WRN: variants seen among roughly 807,000 people sequenced by gnomAD.
The protein encoded by WRN is WRN RecQ like helicase.
WRN carries 149 observed loss-of-function variants against 180.7 expected under a neutral mutation model. That is an observed-to-expected ratio of 0.82 (90% CI 0.72 to 0.94). The LOEUF is 0.94. WRN is among the 40% of genes least tolerant of loss of function. The probability of loss-of-function intolerance (pLI) is 0.00; values close to 1 mark genes in which losing one functional copy is unlikely to be tolerated. For synonymous variants in WRN, 548 were observed against 568.9 expected (o/e 0.96, Z 0.52); for missense variants, 1,661 against 1,700.1 (o/e 0.98, Z 0.40).
intron 21 of WRN, among the ~76,000 whole-genome samples, chr8:31,123,932 A>G (rs770575842): frequency 6.6e-6 from 1 of 152,106 alleles, no homozygotes; most frequent in Non-Finnish European, 1.5e-5. Context: ...TGATATGGCA[A>G]ACAAATCAGT....
intron 1 of WRN, among the ~76,000 whole-genome samples, chr8:31,039,760 G>C (rs548861518): frequency 5.3e-4 from 81 of 152,156 alleles, no homozygotes; most frequent in African/African-American, 1.8e-3. Flanking sequence ...ATCATGAAAG[G>C]GTGTTGGATT....
intron 17 of WRN, among the ~76,000 whole-genome samples, chr8:31,099,744 A>T (rs1292389295): frequency 6.6e-6 from 1 of 152,114 alleles, no homozygotes; most frequent in African/African-American, 2.4e-5. Context: ...TTTGGATAAT[A>T]ATAGATATTT....
chr8:31,119,198 C>T (rs1801628071), intron 20 of WRN, among the ~76,000 whole-genome samples: 1 of 151,436 alleles, frequency 6.6e-6, no homozygotes, highest in East Asian at 1.9e-4. Context: ...TCCTTCTTTT[C>T]TCTTCCTTTC....
Position 31,081,157 on chromosome 8 carries a change from G to C in WRN, c.1130G>C (p.Gly377Ala). The C allele has an allele frequency of 6.2e-7, 1 of 1,614,010 alleles. No homozygotes were observed. The highest frequency in any genetic ancestry group is 8.5e-7 in the Non-Finnish European group (1 of 1,179,966). Residue 377 changes from glycine (G) to alanine (A), a missense_variant, in exon 9 of 35, where the codon GGA (glycine) becomes GCA (alanine). Physicochemically the swap from Gly to Ala is moderately conservative, Grantham distance 60. This residue lies in a region of WRN where 500 missense variants were observed against 504.1 expected (regional missense o/e 0.99). Coordinates refer to ENST00000298139, the MANE Select transcript of WRN (RefSeq NM_000553.6). ...VERKEDGFEDGVEDNKLKENM... is the reference protein window; with the variant it reads ...VERKEDGFEDAVEDNKLKENM... Reference sequence around the variant, plus strand: ...CGAAAAGAAGATGGATTTGAAGATGGAGTAGAAGACAACAAATTGAAAGAG... The same window carrying C: ...CGAAAAGAAGATGGATTTGAAGATGCAGTAGAAGACAACAAATTGAAAGAG...
At chr8:31,160,401 T>C (rs544621913) in intron 33 of WRN, among the ~76,000 whole-genome samples, 1 of 152,348 alleles carries the variant, frequency 6.6e-6, no homozygotes, top group South Asian at 2.1e-4. Context: ...AGGCATCTTA[T>C]GAGAAAGCTG....
chr8:31,066,978 G>T, intron 5 of WRN, 55 bp from the exon 6 acceptor site: 1 of 1,597,376 alleles, frequency 6.3e-7, no homozygotes, highest in Non-Finnish European at 8.6e-7. Context: ...ATATCATTTG[G>T]TAATACCTGA....
chr8:31,063,303 T>C (rs975611098), intron 3 of WRN, among the ~76,000 whole-genome samples: 1 of 152,252 alleles, frequency 6.6e-6, no homozygotes, highest in African/African-American at 2.4e-5. Flanking sequence ...ATCTGTGTAG[T>C]TCCATTTTAA....
At position 31,067,048 on chromosome 8, in the gene WRN, A is replaced by T. The variant is rs1585411657; in HGVS notation, c.520A>T (p.Thr174Ser). 6.2e-7 allele frequency: 1 copy of T among 1,613,876 alleles called. No individual in the cohort carries two copies. The highest frequency in any genetic ancestry group is 8.5e-7 in the Non-Finnish European group (1 of 1,179,940). Reference protein sequence around the residue: ...VANKKLKCTETWSLNSLVKHL... With the variant: ...VANKKLKCTESWSLNSLVKHL... ...TCATTTCTAGCTGAAATGCACAGAG[A>T]CCTGGAGCCTTAACAGTCTGGTTAA... The change falls in exon 6 of 35, where the codon ACC (threonine) becomes TCC (serine). Residue 174 changes from threonine to serine, a missense_variant. By Grantham distance (58) the Thr-to-Ser change is moderately conservative. Around this residue, in one of 3 missense-constraint regions of WRN, gnomAD observed 500 missense variants for 504.1 expected, o/e 0.99. Transcript: ENST00000298139.
chr8:31,109,220 G>T (rs956352683), intron 18 of WRN, among the ~76,000 whole-genome samples: 1 of 152,210 alleles, frequency 6.6e-6, no homozygotes, highest in Non-Finnish European at 1.5e-5. Flanking sequence ...CTCAGAGGCT[G>T]TGACAACTCA....
intron 1 of WRN, among the ~76,000 whole-genome samples, chr8:31,046,861 G>T (rs753430797): frequency 6.6e-6 from 1 of 152,150 alleles, no homozygotes; most frequent in Non-Finnish European, 1.5e-5. Context: ...AATTAGACTG[G>T]AGGATAACTT....
At chr8:31,172,040 A>AGAGT (rs1804118335) in intron 34 of WRN, among the ~76,000 whole-genome samples, 2 of 152,210 alleles carry the variant, frequency 1.3e-5, no homozygotes, top group South Asian at 4.1e-4. Flanking sequence ...ACTCTGAGAT[A>AGAGT]ACATAAGTGT....
chr8:31,111,582 T>C (rs1322675987), intron 18 of WRN, 33 bp from the exon 19 acceptor site: 6 of 1,611,284 alleles, frequency 3.7e-6, no homozygotes, highest in Middle Eastern at 1.7e-4. Context: ...ATGAGCTCTT[T>C]CCTTTTTAAA....
At chr8:31,084,180 G>GT (rs1813433212) in intron 10 of WRN, among the ~76,000 whole-genome samples, 1 of 151,960 alleles carries the variant, frequency 6.6e-6, no homozygotes, top group African/African-American at 2.4e-5. Context: ...TATAGTTTTA[G>GT]TAGAGACAGG....
At chr8:31,143,056 T>TTCTTTC (rs1802716377) in intron 27 of WRN, among the ~76,000 whole-genome samples, 1 of 115,642 alleles carries the variant, frequency 8.6e-6, no homozygotes, top group South Asian at 2.4e-4. Context: ...CACACACACA[T>TTCTTTC]TCTCTCTCTC....
rs886062889 is a variant in WRN at position 31,120,323 on chromosome 8, G to C, written c.2529G>C (p.Lys843Asn). Residue 843 changes from lysine (K) to asparagine (N), a missense_variant, in exon 21 of 35, where the codon AAG becomes AAC. Coordinates refer to ENST00000298139, the MANE Select transcript of WRN (RefSeq NM_000553.6). Reference protein sequence around the residue: ...IRQVIHYGAPKDMESYYQEIG... With the variant: ...IRQVIHYGAPNDMESYYQEIG... ...AAGTCATTCATTACGGTGCTCCTAA[G>C]GACATGGAATCATATTATCAGGAGA... 7.4e-6 allele frequency: 12 copies of C among 1,612,864 alleles called. No homozygotes were observed. The highest frequency in any genetic ancestry group is 1.0e-5 in the Non-Finnish European group (12 of 1,179,186).
At chr8:31,129,596 T>G (rs1488247103) in intron 23 of WRN, among the ~76,000 whole-genome samples, 1 of 151,952 alleles carries the variant, frequency 6.6e-6, no homozygotes, top group Non-Finnish European at 1.5e-5. Flanking sequence ...CTTAAATAAT[T>G]CATATTCAAA....
chr8:31,039,750 A>G (rs766743486), intron 1 of WRN, among the ~76,000 whole-genome samples: 2 of 152,058 alleles, frequency 1.3e-5, no homozygotes, highest in African/African-American at 2.4e-5. Context: ...CTGAGTTTTT[A>G]TCATGAAAGG....
chr8:31,043,018 A>G (rs962800035), intron 1 of WRN, among the ~76,000 whole-genome samples: 2 of 152,204 alleles, frequency 1.3e-5, no homozygotes, highest in Non-Finnish European at 2.9e-5. Context: ...TGGAAAAACC[A>G]TTCAAACTGA....
chr8:31,059,227 C>T lies in WRN; in HGVS notation c.171C>T (p.Tyr57=), dbSNP rs373806031. 9.3e-6 allele frequency: 15 copies of T among 1,613,618 alleles called. No homozygotes were observed. The highest frequency in any genetic ancestry group is 1.3e-5 in the African/African-American group (1 of 74,886). The change falls in exon 3 of 35, where the codon TAC becomes TAT. Residue 57 remains tyrosine (Y), a synonymous_variant. Transcript: ENST00000298139. The stretch of plus-strand genomic sequence containing the variant: ...TCACTGGATCCATTGTGTATAGTTA[C>T]GATGCTAGTGATTGCTCTTTCCTGT... ...LEFTGSIVYS[Y]DASDCSFLSE...
Sources: gnomAD v4.1 joint callset for allele counts (sites outside exome capture counted in the v4.1 genomes callset) on GRCh38, gnomAD v4.1.1 for gene constraint, gnomAD v4.1.1 regional missense constraint, MANE v1.5 for transcripts, NCBI Gene and HGNC (gene_info 2026-07-23, HGNC 2026-07-21) for gene names.